CTNNA3: variants seen among roughly 807,000 people sequenced by gnomAD.
CTNNA3 encodes catenin alpha 3, also known as catenin alpha-3.
In CTNNA3, 76 loss-of-function variants were observed where a neutral mutation model predicts 95.7. The ratio of observed to expected loss-of-function variants is 0.79; its 90% CI spans 0.66 to 0.96. The LOEUF is 0.96. CTNNA3 is among the 40% of genes least tolerant of loss of function. CTNNA3 has a pLI of 0.00. For missense variants in CTNNA3, 1,191 were observed against 1,089.8 expected, an observed-to-expected ratio of 1.09 and a Z score of -1.31; for synonymous variants, 431 against 374.4, an observed-to-expected ratio of 1.15 and a Z score of -1.74.
At chr10:66,556,017 G>A (rs879422071) in intron 10 of CTNNA3, among the ~76,000 whole-genome samples, 2 of 151,760 alleles carry the variant, frequency 1.3e-5, no homozygotes, top group Admixed American at 1.3e-4. Flanking sequence ...GTAACTCACA[G>A]CAAAAATAAA....
rs569160074 is a variant in CTNNA3, at chr10:66,962,503, G to A, written c.1048-186979C>T. Among the ~76,000 whole-genome samples the A allele has an allele frequency of 1.6e-3, 236 of 151,460 alleles. 1 individual carries two copies. The highest frequency in any genetic ancestry group is 2.3e-3 in the Non-Finnish European group (159 of 67,874). On this transcript the variant is annotated intron_variant, in intron 7 of 17. Coordinates refer to ENST00000433211, the MANE Select transcript of CTNNA3 (RefSeq NM_013266.4). ...CTGCTCACTGCAATCTCCATCTCCC[G>A]GGTTCAAGCGATTCTCCTGCCTCAG... is the stretch of plus-strand genomic sequence containing the variant.
chr10:66,242,836 T>C (rs1001909841), intron 13 of CTNNA3, among the ~76,000 whole-genome samples: 2 of 152,204 alleles, frequency 1.3e-5, no homozygotes, highest in African/African-American at 2.4e-5. Context: ...AGTAGGTACA[T>C]AGCATTGTTA....
In CTNNA3 at chr10:66,487,181, A is replaced by ATTTTTTTTTTTTTTT. The variant is rs60547696; in HGVS notation, c.1531+33421_1531+33435dup. ...TACTTGAAATTTAATAAAAGGGCAGATTTTTTTTTTTTTTTTTTTTTTTTT... is the reference window on the plus strand; with the variant it reads ...TACTTGAAATTTAATAAAAGGGCAGATTTTTTTTTTTTTTTTTTTTTTTTTTTTTTTTTTTTTTTT... On this transcript the variant is annotated intron_variant, in intron 11 of 17. Coordinates refer to ENST00000433211, the MANE Select transcript of CTNNA3 (RefSeq NM_013266.4). Among the ~76,000 whole-genome samples the ATTTTTTTTTTTTTTT allele has an allele frequency of 1.7e-4, 8 of 45,986 alleles. 3 individuals are homozygous for ATTTTTTTTTTTTTTT. Among genetic ancestry groups the ATTTTTTTTTTTTTTT allele is most frequent in the African/African-American group, 7.2e-4 (8 of 11,114 alleles). The allele number at this position is 45,986 out of a possible 152,430, so 30.2% of individuals were successfully genotyped here.
rs1292130544 is a variant in CTNNA3 at position 65,913,116 on chromosome 10, T to C, written c.*7214A>G. On this transcript the variant is annotated 3_prime_UTR_variant, in exon 18 of 18. Transcript: ENST00000433211. The stretch of plus-strand genomic sequence containing the variant: ...TCATCTCAGAAAGTCTTAGTTTAAA[T>C]CTGCTTTCATCCTAAATTATAATGT... 6.6e-6 allele frequency: 1 copy of C among 152,194 alleles called. No individual in the cohort carries two copies. The highest frequency in any genetic ancestry group is 1.5e-5 in the Non-Finnish European group (1 of 68,026). The allele number at this position is 152,194 out of a possible 1,614,324, so 9.4% of individuals were successfully genotyped here.
chr10:66,790,490 G>A (rs1840927443), intron 7 of CTNNA3, among the ~76,000 whole-genome samples: 1 of 152,086 alleles, frequency 6.6e-6, no homozygotes, highest in Non-Finnish European at 1.5e-5. Flanking sequence ...AAGTAAAGGT[G>A]TAGCCAATAT....
intron 1 of CTNNA3, among the ~76,000 whole-genome samples, chr10:67,743,981 T>C (rs1193320370): frequency 6.6e-6 from 1 of 151,036 alleles, no homozygotes; most frequent in Non-Finnish European, 1.5e-5. Flanking sequence ...AACTACAAAC[T>C]ACTGCTCAAT....
intron 7 of CTNNA3, among the ~76,000 whole-genome samples, chr10:66,809,806 C>CTT (rs71035181): frequency 0.05 from 7,129 of 142,336 alleles, 232 homozygotes; most frequent in African/African-American, 0.078. Flanking sequence ...TTGCTGATTT[C>CTT]TTTTTTTTTT....
chr10:67,203,505 C>A (rs1863739773), intron 6 of CTNNA3, among the ~76,000 whole-genome samples: 2 of 152,158 alleles, frequency 1.3e-5, no homozygotes, highest in Non-Finnish European at 2.9e-5. Flanking sequence ...TATGATGTCA[C>A]CATTCTTCCA....
At chr10:65,943,928 A>G (rs2077470092) in intron 17 of CTNNA3, among the ~76,000 whole-genome samples, 1 of 152,198 alleles carries the variant, frequency 6.6e-6, no homozygotes, top group Non-Finnish European at 1.5e-5. Context: ...CAAGCCAGCT[A>G]TTCTTATATT....
chr10:66,189,272 C>CAAAAAA, intron 13 of CTNNA3, among the ~76,000 whole-genome samples: 1 of 126,454 alleles, frequency 7.9e-6, no homozygotes, highest in Non-Finnish European at 1.7e-5. Flanking sequence ...GGAGTTCTAT[C>CAAAAAA]AAAAAAAAAA....
intron 7 of CTNNA3, among the ~76,000 whole-genome samples, chr10:66,853,677 CTT>C (rs1843579570): frequency 6.6e-6 from 1 of 152,028 alleles, no homozygotes; most frequent in African/African-American, 2.4e-5. Context: ...TAAAATCACT[CTT>C]TGTGGTAATC....
intron 7 of CTNNA3, among the ~76,000 whole-genome samples, chr10:66,776,622 A>G (rs1177141468): frequency 2.6e-5 from 4 of 152,000 alleles, no homozygotes; most frequent in Non-Finnish European, 5.9e-5. Context: ...ATATTCCTAT[A>G]ATTTTCTGTC....
intron 9 of CTNNA3, among the ~76,000 whole-genome samples, chr10:66,671,865 A>G (rs1382927728): frequency 6.6e-6 from 1 of 152,198 alleles, no homozygotes; most frequent in Admixed American, 6.5e-5. Flanking sequence ...GGTTGCTGTG[A>G]GGATAAAATA....
chr10:66,885,469 C>T (rs1038343130), intron 7 of CTNNA3, among the ~76,000 whole-genome samples: 1 of 152,118 alleles, frequency 6.6e-6, no homozygotes, highest in Non-Finnish European at 1.5e-5. Flanking sequence ...TTCGCTCTTC[C>T]TTATTTAGGG....
At chr10:67,228,456 T>C (rs1038887484) in intron 5 of CTNNA3, among the ~76,000 whole-genome samples, 1 of 151,768 alleles carries the variant, frequency 6.6e-6, no homozygotes, top group Admixed American at 6.6e-5. Context: ...CTACCAAAAA[T>C]ACAAAAATTA....
chr10:66,798,661 T>C (rs148100696), intron 7 of CTNNA3, among the ~76,000 whole-genome samples: 18 of 151,344 alleles, frequency 1.2e-4, no homozygotes, highest in Admixed American at 8.6e-4. Context: ...ATTCTAGGAG[T>C]TGAGGTGCAT....
At chr10:67,107,024 A>G (rs1303407071) in intron 7 of CTNNA3, among the ~76,000 whole-genome samples, 2 of 152,224 alleles carry the variant, frequency 1.3e-5, no homozygotes, top group East Asian at 1.9e-4. Context: ...ATCAAAGTTA[A>G]TAAGTTTGTT....
At chr10:66,328,625 A>G (rs1421120701) in intron 12 of CTNNA3, among the ~76,000 whole-genome samples, 6 of 151,772 alleles carry the variant, frequency 4.0e-5, no homozygotes, top group Non-Finnish European at 8.8e-5. Context: ...TCTGTGTATT[A>G]CTCAGGTTCT....
chr10:67,079,254 G>C (rs1856909526), intron 7 of CTNNA3, among the ~76,000 whole-genome samples: 2 of 152,138 alleles, frequency 1.3e-5, no homozygotes, highest in Admixed American at 1.3e-4. Flanking sequence ...TAGAACAAGG[G>C]GAAGAGTCCT....
Sources: allele counts gnomAD v4.1 joint callset (sites outside exome capture counted in the v4.1 genomes callset), GRCh38; gene constraint gnomAD v4.1.1; transcripts MANE v1.5; gene names NCBI Gene and HGNC (gene_info 2026-07-23, HGNC 2026-07-21).